The following STPG2 variants were observed in gnomAD, a reference collection of about 807,000 sequenced individuals.
STPG2 encodes the protein sperm tail PG-rich repeat containing 2.
Under a neutral mutation model 54.2 loss-of-function variants are expected in STPG2, and 56 were observed. That is an observed-to-expected ratio of 1.03 (90% CI 0.83 to 1.29). STPG2 has a LOEUF of 1.29. Among genes scored for constraint, STPG2 ranks in the 50% most tolerant of loss-of-function variants. The pLI is 0.00. For missense variants in STPG2, 596 were observed against 544.9 expected (o/e 1.09, Z -0.93); for synonymous variants, 200 against 181.8 (o/e 1.10, Z -0.81).
intron 10 of STPG2, among the ~76,000 whole-genome samples, chr4:97,628,555 T>G (rs1721123749): frequency 6.6e-6 from 1 of 152,062 alleles, no homozygotes; most frequent in Admixed American, 6.6e-5. Flanking sequence ...AAATGTTTAT[T>G]TTATCACTGT....
intron 10 of STPG2, among the ~76,000 whole-genome samples, chr4:97,568,905 T>G (rs886658863): frequency 8.6e-5 from 13 of 151,296 alleles, no homozygotes; most frequent in Admixed American, 2.6e-4. Flanking sequence ...GTTTTGTTTT[T>G]TTTTTTGTTT....
intron 5 of STPG2, among the ~76,000 whole-genome samples, chr4:97,985,174 C>G (rs892530257): frequency 1.3e-5 from 2 of 152,064 alleles, no homozygotes; most frequent in Non-Finnish European, 2.9e-5. Context: ...TAAATACTAT[C>G]TTATTATTTT....
At chr4:97,543,442 T>C (rs750250978) in intron 4 of STPG2, among the ~76,000 whole-genome samples, 7 of 151,868 alleles carry the variant, frequency 4.6e-5, no homozygotes, top group Non-Finnish European at 1.0e-4. Context: ...AATAATAACA[T>C]GCCAATTTTT....
At chr4:97,735,060 G>A (rs1296064393) in intron 9 of STPG2, among the ~76,000 whole-genome samples, 1 of 119,784 alleles carries the variant, frequency 8.3e-6, no homozygotes, top group African/African-American at 3.2e-5. Context: ...GCAAGAGAGC[G>A]AGACATCGTC....
intron 9 of STPG2, among the ~76,000 whole-genome samples, chr4:97,718,205 T>C (rs2149013128): frequency 6.6e-6 from 1 of 152,168 alleles, no homozygotes; most frequent in South Asian, 2.1e-4. Context: ...TGAAGTCACA[T>C]AAAATCCTTT....
At chr4:97,698,758 C>A (rs1391180540) in intron 10 of STPG2, among the ~76,000 whole-genome samples, 2 of 152,110 alleles carry the variant, frequency 1.3e-5, no homozygotes, top group Non-Finnish European at 2.9e-5. Context: ...GTATTGTCAC[C>A]TAGTCGGCGT....
chr4:97,977,382 C>G (rs1399953316), intron 6 of STPG2, among the ~76,000 whole-genome samples: 1 of 152,140 alleles, frequency 6.6e-6, no homozygotes, highest in Non-Finnish European at 1.5e-5. Context: ...AAGAGCAAGA[C>G]CTTTTCACCT....
chr4:97,873,665 T>A (rs952424884), intron 8 of STPG2, among the ~76,000 whole-genome samples: 5 of 151,548 alleles, frequency 3.3e-5, no homozygotes, highest in Admixed American at 2.6e-4. Flanking sequence ...ATCCTAGTAC[T>A]AAGATCCTCA....
chr4:98,067,596 C>G (rs1737873083), intron 5 of STPG2, among the ~76,000 whole-genome samples: 1 of 152,040 alleles, frequency 6.6e-6, no homozygotes, highest in Non-Finnish European at 1.5e-5. Flanking sequence ...GAAAGGAATG[C>G]AATATCAATA....
At chr4:97,918,361 A>T (rs1731966000) in intron 8 of STPG2, among the ~76,000 whole-genome samples, 1 of 152,058 alleles carries the variant, frequency 6.6e-6, no homozygotes, top group South Asian at 2.1e-4. Flanking sequence ...CAGCACAGGA[A>T]ATTGTGTATA....
intron 5 of STPG2, among the ~76,000 whole-genome samples, chr4:98,021,837 A>C (rs1225552848): frequency 6.6e-6 from 1 of 151,860 alleles, no homozygotes; most frequent in Non-Finnish European, 1.5e-5. Context: ...CTAGGATTGC[A>C]ACCCCTGCCT....
intron 3 of STPG2, among the ~76,000 whole-genome samples, 175 bp downstream of exon 3, chr4:98,128,253 T>C (rs1227943925): frequency 6.6e-6 from 1 of 152,172 alleles, no homozygotes; most frequent in Admixed American, 6.5e-5. Flanking sequence ...GGAAAAATAA[T>C]TCTACTGTAT....
At position 97,482,329 on chromosome 4, in the gene STPG2, G is replaced by A. The variant is rs368141460; in HGVS notation, c.462+230370C>T. 6.3e-4 allele frequency among the ~76,000 whole-genome samples: 96 copies of A among 151,478 alleles called. No individual in the cohort carries two copies. In the Middle Eastern group the frequency reaches 0.024, roughly 38 times the overall value. ...CAAAAAATGATACAAAAAGTGAAGG[G>A]AGAAATAGTCAAAGAAATAGATAGC... On this transcript the variant is annotated intron_variant, in intron 4 of 4. Transcript: ENST00000522676.
intron 6 of STPG2, among the ~76,000 whole-genome samples, chr4:97,979,032 T>C (rs941154083): frequency 2.0e-5 from 3 of 152,174 alleles, no homozygotes; most frequent in African/African-American, 7.2e-5. Context: ...ACACAAAACA[T>C]GTAACAGCCT....
At chr4:97,724,529 A>G (rs558424536) in intron 9 of STPG2, among the ~76,000 whole-genome samples, 1 of 152,286 alleles carries the variant, frequency 6.6e-6, no homozygotes, top group South Asian at 2.1e-4. Flanking sequence ...CACTGCTGGT[A>G]TTGAGAACTG....
chr4:97,638,952 C>T (rs1721663510), intron 10 of STPG2, among the ~76,000 whole-genome samples: 1 of 150,048 alleles, frequency 6.7e-6, no homozygotes, highest in Admixed American at 6.6e-5. Context: ...CCTCAGGGAT[C>T]TAGAACTAGA....
chr4:97,963,308 ATATACT>A (rs1733960518), intron 7 of STPG2, among the ~76,000 whole-genome samples: 2 of 152,186 alleles, frequency 1.3e-5, no homozygotes, highest in East Asian at 1.9e-4. Flanking sequence ...TGGATTTAAA[ATATACT>A]TATATCAGCA....
rs193200589 is a variant in STPG2 at position 97,856,186 on chromosome 4, T to C, written c.1045-15254A>G. Among the ~76,000 whole-genome samples, 587 of 152,310 alleles carry C rather than the reference T, an allele frequency of 3.9e-3. 14 individuals are homozygous for C. The highest frequency in any genetic ancestry group is 0.036 in the Admixed American group (544 of 15,290). On this transcript the variant is annotated intron_variant, in intron 8 of 10. Coordinates refer to ENST00000295268, the MANE Select transcript of STPG2 (RefSeq NM_174952.3). ...GTTCCGTATGAATTCTAAAATAGTTTTCTCTAATTCTGCGGAGAATGTCAA... is the reference window on the plus strand; with the variant it reads ...GTTCCGTATGAATTCTAAAATAGTTCTCTCTAATTCTGCGGAGAATGTCAA...
intron 9 of STPG2, among the ~76,000 whole-genome samples, chr4:97,747,771 A>G (rs956525897): frequency 6.6e-6 from 1 of 151,392 alleles, no homozygotes; most frequent in Admixed American, 6.6e-5. Context: ...ATAAATTTAA[A>G]AGTTAGGGCA....
Sources: allele counts gnomAD v4.1 joint callset (sites outside exome capture counted in the v4.1 genomes callset), GRCh38; gene constraint gnomAD v4.1.1; transcripts MANE v1.5; gene names NCBI Gene and HGNC (gene_info 2026-07-23, HGNC 2026-07-21).